NRAS: variants seen among roughly 807,000 people sequenced by gnomAD.
The protein encoded by NRAS is NRAS proto-oncogene, GTPase, also known as GTPase NRas.
A neutral mutation model predicts 21.3 loss-of-function variants in NRAS; 6 were observed. That is an observed-to-expected ratio of 0.28 (90% confidence interval 0.15 to 0.56). NRAS has a LOEUF of 0.56. Ranked by LOEUF, NRAS falls within the 20% of genes least tolerant of loss-of-function variation. The pLI is 0.93. For synonymous variants in NRAS, 84 were observed against 82.0 expected (o/e 1.02, Z -0.13); for missense variants, 143 against 231.3 (o/e 0.62, Z 2.48).
At position 114,707,300 on chromosome 1, in the gene NRAS, G is replaced by A. The variant is rs1286601760; in HGVS notation, c.*794C>T. The stretch of plus-strand genomic sequence containing the variant: ...AACCAATTTCATACATGTACAAAAT[G>A]GCATCTGCTCTCAAATAGATATAGC... On this transcript the variant is annotated 3_prime_UTR_variant, in exon 7 of 7. Coordinates refer to ENST00000369535, the MANE Select transcript of NRAS (RefSeq NM_002524.5). The A allele has an allele frequency of 6.6e-6, 1 of 152,526 alleles. No homozygotes were observed. The highest frequency in any genetic ancestry group is 1.5e-5 in the Non-Finnish European group (1 of 68,036). The allele number at this position is 152,526 out of a possible 1,614,324, so 9.4% of individuals were successfully genotyped here.
intron 2 of NRAS, 29 bp from the exon 3 acceptor site, chr1:114,714,007 G>GT: frequency 1.0e-6 from 1 of 1,001,072 alleles, no homozygotes; most frequent in Non-Finnish European, 1.5e-6. Context: ...AGGGGGCAGG[G>GT]AGGGAGGGAA....
rs1311786689 is a variant in NRAS at position 114,707,401 on chromosome 1, T to C, written c.*693A>G. The stretch of plus-strand genomic sequence containing the variant: ...TGCATAAGGATTTTTGAGACATCTA[T>C]TCCACTGAAATATTATAAAGGAAGT... On this transcript the variant is annotated 3_prime_UTR_variant, in exon 7 of 7. Coordinates refer to ENST00000369535, the MANE Select transcript of NRAS (RefSeq NM_002524.5). 6.6e-6 allele frequency: 1 copy of C among 152,586 alleles called. No homozygotes were observed. The highest frequency in any genetic ancestry group is 2.4e-5 in the African/African-American group (1 of 41,426). The allele number at this position is 152,586 out of a possible 1,614,324, so 9.5% of individuals were successfully genotyped here.
In NRAS at chr1:114,704,988, C is replaced by T. The variant is rs1658878000; in HGVS notation, c.*3106G>A. On this transcript the variant is annotated 3_prime_UTR_variant, in exon 7 of 7. Transcript: ENST00000369535. ...AAAATATTTTCCCTAATTTTCCTTG[C>T]TTCTTATAATTTATTAGCAGAGATG... 6.6e-6 allele frequency: 1 copy of T among 152,182 alleles called. No homozygotes were observed. Among genetic ancestry groups the T allele is most frequent in the Non-Finnish European group, 1.5e-5 (1 of 68,038 alleles). The allele number at this position is 152,182 out of a possible 1,614,324, so 9.4% of individuals were successfully genotyped here. A position where few individuals can be genotyped will look rare whatever the true frequency, so the allele number is the denominator to read the frequency against.
Position 114,706,277 on chromosome 1 carries a change from A to T in NRAS, c.*1817T>A, listed in dbSNP as rs930304623. 6 of 152,218 alleles carry T rather than the reference A, an allele frequency of 3.9e-5. No individual in the cohort carries two copies. The highest frequency in any genetic ancestry group is 1.4e-4 in the African/African-American group (6 of 41,456). 9.4% of individuals were successfully genotyped at this position (152,218 alleles called of 1,614,324 possible). Reference sequence around the variant, plus strand: ...AGATGGAGGACCTCAGTAAGTATTTAGATATTAAAGACAGGAACAAAGTGG... The same window carrying T: ...AGATGGAGGACCTCAGTAAGTATTTTGATATTAAAGACAGGAACAAAGTGG... On this transcript the variant is annotated 3_prime_UTR_variant, in exon 7 of 7. Transcript: ENST00000369535.
At position 114,706,907 on chromosome 1, in the gene NRAS, G is replaced by A. The variant is rs559318365; in HGVS notation, c.*1187C>T. On this transcript the variant is annotated 3_prime_UTR_variant, in exon 7 of 7. Transcript: ENST00000369535. ...GAAGCTGTAGAGGGTGGGGTGAGAA[G>A]GGGATTGAAGGCAATTATATACATC... The A allele has an allele frequency of 3.9e-5, 6 of 152,612 alleles. No homozygotes were observed. The highest frequency in any genetic ancestry group is 4.1e-4 in the South Asian group (2 of 4,824). The allele number at this position is 152,612 out of a possible 1,614,324, so 9.5% of individuals were successfully genotyped here.
chr1:114,710,122 C>T (rs1044432775), intron 3 of NRAS, among the ~76,000 whole-genome samples: 30 of 150,558 alleles, frequency 2.0e-4, no homozygotes, highest in African/African-American at 3.4e-4. Flanking sequence ...ACCTGGGAGG[C>T]GAAGATTGCA....
chr1:114,713,156 A>G (rs1659080657), intron 3 of NRAS, among the ~76,000 whole-genome samples: 1 of 151,854 alleles, frequency 6.6e-6, no homozygotes, highest in African/African-American at 2.4e-5. Context: ...TGGACTTCCT[A>G]TTTGCTTACT....
intron 4 of NRAS, among the ~76,000 whole-genome samples, chr1:114,709,212 G>A (rs1341728586): frequency 6.6e-6 from 1 of 152,184 alleles, no homozygotes; most frequent in Non-Finnish European, 1.5e-5. Flanking sequence ...CCAGGTGGGA[G>A]GATTGCTTGA....
intron 3 of NRAS, among the ~76,000 whole-genome samples, chr1:114,710,269 TTATATATAATTTATAATATATAAA>T (rs1557981655): frequency 4.8e-5 from 4 of 83,250 alleles, no homozygotes; most frequent in African/African-American, 1.8e-4. Context: ...AAATATATAT[TTATATATAATTTATAATATATAAA>T]TATATATAAT....
chr1:114,714,398 G>C (rs1006180055), intron 2 of NRAS, among the ~76,000 whole-genome samples: 4 of 151,970 alleles, frequency 2.6e-5, no homozygotes, highest in Non-Finnish European at 4.4e-5. Flanking sequence ...TTATAACCTG[G>C]CCCTATATAC....
At chr1:114,715,322 G>T (rs1659134033) in intron 2 of NRAS, among the ~76,000 whole-genome samples, 1 of 152,162 alleles carries the variant, frequency 6.6e-6, no homozygotes, top group South Asian at 2.1e-4. Context: ...ACCGTGTCCG[G>T]CAAAACCCTT....
In NRAS at chr1:114,706,653, T is replaced by G. The variant is rs61758222; in HGVS notation, c.*1441A>C. The G allele has an allele frequency of 3.9e-5, 6 of 152,236 alleles. No homozygotes were observed. The highest frequency in any genetic ancestry group is 7.3e-5 in the Non-Finnish European group (5 of 68,042). 9.4% of individuals were successfully genotyped at this position (152,236 alleles called of 1,614,324 possible). On this transcript the variant is annotated 3_prime_UTR_variant, in exon 7 of 7. Coordinates refer to ENST00000369535, the MANE Select transcript of NRAS (RefSeq NM_002524.5). ...TGTTTAAATACGTGATACTGAGTTT[T>G]CCAGTCATGGTAAAGGGTTTGTGCT... is the stretch of plus-strand genomic sequence containing the variant.
At position 114,705,314 on chromosome 1, in the gene NRAS, T is replaced by C. The variant is rs889526788; in HGVS notation, c.*2780A>G. 1 of 152,216 alleles carries C rather than the reference T, an allele frequency of 6.6e-6. No homozygotes were observed. The highest frequency in any genetic ancestry group is 1.5e-5 in the Non-Finnish European group (1 of 68,036). The allele number at this position is 152,216 out of a possible 1,614,324, so 9.4% of individuals were successfully genotyped here. A position where few individuals can be genotyped will look rare whatever the true frequency, so the allele number is the denominator to read the frequency against. On this transcript the variant is annotated 3_prime_UTR_variant, in exon 7 of 7. Transcript: ENST00000369535. ...AGTATGATATTGTATTAAGTAACATTCTATAGTAAGCCGTTGGAGCAAATA... is the reference window on the plus strand; with the variant it reads ...AGTATGATATTGTATTAAGTAACATCCTATAGTAAGCCGTTGGAGCAAATA...
intron 4 of NRAS, 126 bp downstream of exon 4, chr1:114,709,443 T>A (rs1285080034): frequency 9.7e-6 from 8 of 822,866 alleles, no homozygotes; most frequent in Admixed American, 5.1e-5. Context: ...TAAAAAAAAA[T>A]AAAAAATAAA....
chr1:114,704,730 A>G lies in NRAS; in HGVS notation c.*3364T>C, dbSNP rs1279976042. 1.3e-5 allele frequency: 2 copies of G among 152,232 alleles called. No homozygotes were observed. The highest frequency in any genetic ancestry group is 2.9e-5 in the Non-Finnish European group (2 of 68,024). The allele number at this position is 152,232 out of a possible 1,614,324, so 9.4% of individuals were successfully genotyped here. On this transcript the variant is annotated 3_prime_UTR_variant, in exon 7 of 7. Coordinates refer to ENST00000369535, the MANE Select transcript of NRAS (RefSeq NM_002524.5). ...TCCACGGACATCCTCCCCTCCCTCCAGAGCAGAGTTCATACAATTCCATCT... is the reference window on the plus strand; with the variant it reads ...TCCACGGACATCCTCCCCTCCCTCCGGAGCAGAGTTCATACAATTCCATCT...
chr1:114,710,671 A>T (rs1659027317), intron 3 of NRAS, among the ~76,000 whole-genome samples: 1 of 152,192 alleles, frequency 6.6e-6, no homozygotes, highest in Admixed American at 6.5e-5. Context: ...ATTAACTTGT[A>T]GTATTTTTGC....
rs121913248 is a variant in NRAS, at chr1:114,716,109, C to G, written c.52G>C (p.Ala18Pro). ...TTCTGGATTAGCTGGATTGTCAGTG[C>G]GCTTTTCCCAACACCACCTGCTCCA... is the stretch of plus-strand genomic sequence containing the variant. ...VVGAGGVGKS[A>P]LTIQLIQNHF... Residue 18 changes from alanine to proline, a missense_variant, in exon 2 of 7, where the codon GCA becomes CCA. Ala to Pro is a conservative substitution (Grantham distance 27). Transcript: ENST00000369535. 6.2e-7 allele frequency: 1 copy of G among 1,613,958 alleles called. No homozygotes were observed. The highest frequency in any genetic ancestry group is 2.2e-5 in the East Asian group (1 of 44,880).
Position 114,716,543 on chromosome 1 carries a change from C to A in NRAS, c.-18+115G>T, listed in dbSNP as rs530231084. The stretch of plus-strand genomic sequence containing the variant: ...CCCACGTAGGCACCAAATGGAAGGA[C>A]CCCCGCCCAAGGCCTTTGTCTCCAG... On this transcript the variant is annotated intron_variant, in intron 1 of 6. Transcript: ENST00000369535. The A allele has an allele frequency of 2.5e-5, 9 of 353,428 alleles. No individual in the cohort carries two copies. The East Asian group carries it at 4.1e-4, about 16-fold the overall frequency. The allele number at this position is 353,428 out of a possible 1,614,324, so 21.9% of individuals were successfully genotyped here.
intron 3 of NRAS, among the ~76,000 whole-genome samples, chr1:114,710,251 TTATATATAAA>T (rs961825938): frequency 7.8e-5 from 5 of 64,514 alleles, no homozygotes; most frequent in Non-Finnish European, 1.0e-4. Context: ...ATTATATATA[TTATATATAAA>T]TATATATTTA....
Sources: allele counts gnomAD v4.1 joint callset (sites outside exome capture counted in the v4.1 genomes callset), GRCh38; gene constraint gnomAD v4.1.1; transcripts MANE v1.5; gene names NCBI Gene and HGNC (gene_info 2026-07-23, HGNC 2026-07-21).